The following GRIK4 variants were observed in gnomAD, a reference collection of about 807,000 sequenced individuals.
GRIK4 encodes the protein glutamate receptor ionotropic, kainate 4.
A neutral mutation model predicts 104.9 loss-of-function variants in GRIK4; 40 were observed. That is an observed-to-expected ratio of 0.38 (90% CI 0.30 to 0.50). The LOEUF (loss-of-function observed/expected upper bound fraction) is 0.50. Among genes scored for constraint, GRIK4 ranks in the 20% least tolerant of loss-of-function variants. The probability of loss-of-function intolerance (pLI) is 0.93; values close to 1 mark genes in which losing one functional copy is unlikely to be tolerated. For synonymous variants in GRIK4, 485 were observed against 524.9 expected (o/e 0.92, Z 1.04); for missense variants, 1,047 against 1,308.1 (o/e 0.80, Z 3.08).
At chr11:120,695,783 G>T (rs1371682757) in intron 3 of GRIK4, among the ~76,000 whole-genome samples, 1 of 152,248 alleles carries the variant, frequency 6.6e-6, no homozygotes, top group East Asian at 1.9e-4. Context: ...CCCTGCAGAG[G>T]CCTGGCAGGT....
At chr11:120,883,046 C>T (rs969213802) in intron 11 of GRIK4, among the ~76,000 whole-genome samples, 12 of 152,214 alleles carry the variant, frequency 7.9e-5, no homozygotes, top group Admixed American at 7.2e-4. Flanking sequence ...TATGTGCTCC[C>T]TCTACTGTAG....
At chr11:120,580,635 C>T (rs932830928) in intron 1 of GRIK4, among the ~76,000 whole-genome samples, 1 of 151,762 alleles carries the variant, frequency 6.6e-6, no homozygotes, top group Non-Finnish European at 1.5e-5. Context: ...GTGGTACAAT[C>T]ATAGTTCCCT....
intron 6 of GRIK4, among the ~76,000 whole-genome samples, chr11:120,823,572 A>AAGC (rs1756360435): frequency 1.3e-5 from 2 of 152,116 alleles, no homozygotes; most frequent in African/African-American, 4.8e-5. Flanking sequence ...TCTGATCTTC[A>AAGC]AGCTGGCTCT....
intron 2 of GRIK4, among the ~76,000 whole-genome samples, chr11:120,657,103 G>GT (rs1447135166): frequency 5.3e-5 from 8 of 152,224 alleles, no homozygotes; most frequent in African/African-American, 1.7e-4. Flanking sequence ...GATTATTACA[G>GT]TTTTTTTCTC....
chr11:120,568,753 T>G (rs1406857025), intron 1 of GRIK4, among the ~76,000 whole-genome samples: 3 of 152,144 alleles, frequency 2.0e-5, no homozygotes, highest in Non-Finnish European at 4.4e-5. Flanking sequence ...GTGCAATCCT[T>G]CTTGCCAAAG....
intron 11 of GRIK4, among the ~76,000 whole-genome samples, chr11:120,883,132 C>T (rs115622185): frequency 1.5e-3 from 226 of 152,202 alleles, no homozygotes; most frequent in African/African-American, 5.2e-3. Flanking sequence ...GCTTGGAGAG[C>T]GAATACGGAG....
chr11:120,635,547 TC>T (rs1949386966), intron 1 of GRIK4, among the ~76,000 whole-genome samples: 1 of 152,046 alleles, frequency 6.6e-6, no homozygotes, highest in Non-Finnish European at 1.5e-5. Flanking sequence ...AAAAAGGAAG[TC>T]CCCCAGGGAG....
At chr11:120,733,761 G>T (rs1951179358) in intron 3 of GRIK4, among the ~76,000 whole-genome samples, 5 of 142,374 alleles carry the variant, frequency 3.5e-5, no homozygotes, top group South Asian at 2.3e-4. Flanking sequence ...TTTTTGAGAT[G>T]GAGTCTTGCT....
At chr11:120,904,150 T>G (rs1565429306) in intron 12 of GRIK4, among the ~76,000 whole-genome samples, 1 of 152,178 alleles carries the variant, frequency 6.6e-6, no homozygotes, top group Non-Finnish European at 1.5e-5. Context: ...ATTCCCCAGC[T>G]TCAGCCTTGA....
At chr11:120,656,416 T>G (rs1188831880) in intron 2 of GRIK4, among the ~76,000 whole-genome samples, 4 of 152,238 alleles carry the variant, frequency 2.6e-5, no homozygotes, top group Admixed American at 2.6e-4. Context: ...TGCAAAGATT[T>G]TTGCAAGCCA....
At chr11:120,788,850 A>C (rs1367637718) in intron 3 of GRIK4, among the ~76,000 whole-genome samples, 3 of 143,246 alleles carry the variant, frequency 2.1e-5, no homozygotes, top group African/African-American at 2.6e-5. Context: ...CTCTCCATTC[A>C]CTTCTCGGCC....
chr11:120,828,455 G>A (rs1953328456), intron 6 of GRIK4, among the ~76,000 whole-genome samples: 2 of 152,152 alleles, frequency 1.3e-5, no homozygotes, highest in Admixed American at 1.3e-4. Context: ...GGTAGTTGGG[G>A]GGTGAGTGGG....
At chr11:120,569,071 AT>A (rs1420388197) in intron 1 of GRIK4, among the ~76,000 whole-genome samples, 1 of 152,208 alleles carries the variant, frequency 6.6e-6, no homozygotes, top group African/African-American at 2.4e-5. Context: ...TTAGTGAGCG[AT>A]TTGATTTTAT....
At chr11:120,766,143 GC>G (rs1314539721) in intron 3 of GRIK4, among the ~76,000 whole-genome samples, 2 of 152,352 alleles carry the variant, frequency 1.3e-5, no homozygotes, top group Non-Finnish European at 2.9e-5. Context: ...TTTCAGAGAT[GC>G]CTTGCCCAGA....
chr11:120,772,360 T>C (rs985929080), intron 3 of GRIK4, among the ~76,000 whole-genome samples: 4 of 152,164 alleles, frequency 2.6e-5, no homozygotes, highest in Non-Finnish European at 4.4e-5. Flanking sequence ...TGAGGGCCTG[T>C]TTCATGCATG....
At chr11:120,714,536 C>A (rs949112237) in intron 3 of GRIK4, among the ~76,000 whole-genome samples, 1 of 152,092 alleles carries the variant, frequency 6.6e-6, no homozygotes, top group Non-Finnish European at 1.5e-5. Flanking sequence ...AGGGAGAGGA[C>A]ACAGAAGATT....
chr11:120,817,827 C>G (rs554510496), intron 5 of GRIK4, among the ~76,000 whole-genome samples: 1 of 152,188 alleles, frequency 6.6e-6, no homozygotes, highest in Non-Finnish European at 1.5e-5. Flanking sequence ...ACCCCCTGTA[C>G]GCACAACTCC....
At chr11:120,735,504 A>G (rs532216104) in intron 3 of GRIK4, among the ~76,000 whole-genome samples, 26 of 152,192 alleles carry the variant, frequency 1.7e-4, no homozygotes, top group African/African-American at 6.0e-4. Context: ...CCAACACAGC[A>G]CTGGGTCTCA....
rs112195308 is a variant in GRIK4 at position 120,776,991 on chromosome 11, G to A, written c.83-25702G>A. On this transcript the variant is annotated intron_variant, in intron 3 of 20. Coordinates refer to ENST00000527524, the MANE Select transcript of GRIK4 (RefSeq NM_014619.5). ...TTGTGTTCAGGGAGCTACGAGGGGG[G>A]TGTGAGTACCAGGAGGCAGAGGTCC... Among the ~76,000 whole-genome samples the A allele has an allele frequency of 8.0e-3, 1,211 of 152,290 alleles. 15 individuals carry two copies. Among genetic ancestry groups the A allele is most frequent in the African/African-American group, 0.027 (1,138 of 41,552 alleles).
Sources: allele counts gnomAD v4.1 joint callset (sites outside exome capture counted in the v4.1 genomes callset), GRCh38; gene constraint gnomAD v4.1.1; transcripts MANE v1.5; gene names NCBI Gene and HGNC (gene_info 2026-07-23, HGNC 2026-07-21).